Variants in RAB38 observed in about 807,000 individuals in gnomAD.
RAB38 encodes ras-related protein Rab-38.
In RAB38, 15 loss-of-function variants were observed where a neutral mutation model predicts 18.4. The ratio of observed to expected loss-of-function variants is 0.82; its 90% CI spans 0.55 to 1.26. The LOEUF is 1.26. RAB38 is among the 50% of genes most tolerant of loss of function. The pLI is 0.00. For synonymous variants in RAB38, 101 were observed against 104.4 expected (o/e 0.97, Z 0.20); for missense variants, 294 against 267.4 (o/e 1.10, Z -0.69).
At chr11:88,011,187 G>T in the RAB38 span, among the ~76,000 whole-genome samples, 1 of 152,140 alleles carries the variant, frequency 6.6e-6, no homozygotes, top group Non-Finnish European at 1.5e-5. Context: ...CTTAATATGT[G>T]TAAGACACTG....
rs141109128 is a variant in RAB38 at position 88,154,760 on chromosome 11, A to G, written c.203-4805T>C. Among the ~76,000 whole-genome samples, 32 of 152,234 alleles carry G rather than the reference A, an allele frequency of 2.1e-4. No homozygotes were observed. The East Asian group carries it at 5.2e-3, about 25-fold the overall frequency. On this transcript the variant is annotated intron_variant, in intron 1 of 2. Transcript: ENST00000243662. Reference sequence around the variant, plus strand: ...CAGTCAGCCTGGTGCTGGGAGGCTAACTCTGTTTCACACCAGGGCAGATCT... The same window carrying G: ...CAGTCAGCCTGGTGCTGGGAGGCTAGCTCTGTTTCACACCAGGGCAGATCT...
the RAB38 span, among the ~76,000 whole-genome samples, chr11:88,016,012 G>A: frequency 9.2e-5 from 14 of 151,924 alleles, no homozygotes; most frequent in East Asian, 5.8e-4. Flanking sequence ...CTAATATTTC[G>A]GCAATGTGCA....
At chr11:88,098,306 T>C in the RAB38 span, among the ~76,000 whole-genome samples, 1 of 151,984 alleles carries the variant, frequency 6.6e-6, no homozygotes, top group Non-Finnish European at 1.5e-5. Flanking sequence ...CCTTACTCTG[T>C]GTGACCTTGT....
At chr11:88,146,596 G>C (rs183337833) in intron 2 of RAB38, among the ~76,000 whole-genome samples, 3 of 152,290 alleles carry the variant, frequency 2.0e-5, no homozygotes, top group East Asian at 3.9e-4. Context: ...TAATACTATA[G>C]TCAGAAAGTT....
the RAB38 span, among the ~76,000 whole-genome samples, chr11:87,936,675 A>G: frequency 6.6e-6 from 1 of 152,092 alleles, no homozygotes; most frequent in Non-Finnish European, 1.5e-5. Flanking sequence ...TTAGCCTTCC[A>G]ATATAAATTT....
chr11:87,923,186 G>T, the RAB38 span, among the ~76,000 whole-genome samples: 4 of 151,840 alleles, frequency 2.6e-5, no homozygotes, highest in Non-Finnish European at 5.9e-5. Flanking sequence ...CGTTGGGGTG[G>T]TTGAAGTAGT....
the RAB38 span, among the ~76,000 whole-genome samples, chr11:88,082,163 G>C: frequency 2.6e-5 from 4 of 151,872 alleles, no homozygotes; most frequent in African/African-American, 9.6e-5. Context: ...ATCAATAATA[G>C]AATTGTTTTG....
chr11:87,971,623 T>C, the RAB38 span, among the ~76,000 whole-genome samples: 81,205 of 151,938 alleles, frequency 0.53, 21,933 homozygotes, highest in East Asian at 0.69. Flanking sequence ...AACAGCTTAT[T>C]TTCACTAAAG....
the RAB38 span, among the ~76,000 whole-genome samples, chr11:88,043,419 T>G: frequency 3.3e-4 from 50 of 152,208 alleles, 1 homozygote; most frequent in Admixed American, 2.8e-3. Flanking sequence ...TTGTCAGACC[T>G]CTGAGCCCAA....
chr11:87,818,690 T>G, the RAB38 span, among the ~76,000 whole-genome samples: 1 of 152,270 alleles, frequency 6.6e-6, no homozygotes, highest in Admixed American at 6.5e-5. Flanking sequence ...GACTTACTAG[T>G]TTTTTTAAAA....
the RAB38 span, among the ~76,000 whole-genome samples, chr11:87,958,179 A>C: frequency 6.6e-6 from 1 of 151,980 alleles, no homozygotes; most frequent in Non-Finnish European, 1.5e-5. Context: ...AACAACCAGC[A>C]CTCTATGGGG....
intron 2 of RAB38, among the ~76,000 whole-genome samples, chr11:88,114,828 T>C (rs879854832): frequency 6.6e-6 from 1 of 152,214 alleles, no homozygotes. Context: ...GAGGCAAGTA[T>C]CCCAATCAGC....
At chr11:87,824,398 A>G in the RAB38 span, among the ~76,000 whole-genome samples, 1 of 152,204 alleles carries the variant, frequency 6.6e-6, no homozygotes, top group Non-Finnish European at 1.5e-5. Context: ...ATCTAAATCA[A>G]TGATCAAGAA....
At chr11:88,033,153 C>T in the RAB38 span, among the ~76,000 whole-genome samples, 1 of 151,894 alleles carries the variant, frequency 6.6e-6, no homozygotes, top group Non-Finnish European at 1.5e-5. Flanking sequence ...CGCATATTCT[C>T]ACTCATAGGT....
the RAB38 span, among the ~76,000 whole-genome samples, chr11:87,920,143 T>A: frequency 3.3e-5 from 5 of 151,882 alleles, no homozygotes; most frequent in African/African-American, 1.2e-4. Flanking sequence ...GTATTTTATT[T>A]ATTTCTGCTC....
At chr11:88,056,559 C>A in the RAB38 span, among the ~76,000 whole-genome samples, 1 of 152,078 alleles carries the variant, frequency 6.6e-6, no homozygotes, top group East Asian at 1.9e-4. Context: ...AATCCCAGCA[C>A]TTTGGGAGGC....
chr11:87,898,865 A>C, the RAB38 span, among the ~76,000 whole-genome samples: 1 of 151,618 alleles, frequency 6.6e-6, no homozygotes, highest in Non-Finnish European at 1.5e-5. Context: ...CATAAGACAA[A>C]CTAGGATTCC....
At chr11:88,120,813 A>G (rs1942619300) in intron 2 of RAB38, among the ~76,000 whole-genome samples, 1 of 152,156 alleles carries the variant, frequency 6.6e-6, no homozygotes, top group Admixed American at 6.5e-5. Flanking sequence ...CTTACGTACC[A>G]AAAGTTCTCC....
the RAB38 span, among the ~76,000 whole-genome samples, chr11:87,828,993 G>T: frequency 6.6e-6 from 1 of 152,156 alleles, no homozygotes; most frequent in African/African-American, 2.4e-5. Context: ...AAAACTCGAA[G>T]GGAATTAATC....
Sources: allele counts gnomAD v4.1 joint callset (sites outside exome capture counted in the v4.1 genomes callset), GRCh38; gene constraint gnomAD v4.1.1; transcripts MANE v1.5; gene names NCBI Gene and HGNC (gene_info 2026-07-23, HGNC 2026-07-21).